EPS15: variants seen among roughly 807,000 people sequenced by gnomAD.
EPS15 encodes epidermal growth factor receptor pathway substrate 15.
EPS15 carries 72 observed loss-of-function variants against 113.8 expected under a neutral mutation model. The observed-to-expected ratio is 0.63, with a 90% CI of 0.52 to 0.77. The LOEUF (loss-of-function observed/expected upper bound fraction) is 0.77. Ranked by LOEUF, EPS15 falls within the 30% of genes least tolerant of loss-of-function variation. EPS15 has a pLI of 0.00. For synonymous variants in EPS15, 344 were observed against 363.4 expected (o/e 0.95, Z 0.61); for missense variants, 1,048 against 1,045.8 (o/e 1.00, Z -0.03).
chr1:51,505,339 T>C (rs1644480613), intron 1 of EPS15, among the ~76,000 whole-genome samples: 2 of 152,184 alleles, frequency 1.3e-5, no homozygotes, highest in South Asian at 4.1e-4. Context: ...CGATGGAATA[T>C]TTTTCAACCA....
chr1:51,508,264 G>GAA (rs1557536645), intron 1 of EPS15, among the ~76,000 whole-genome samples: 15 of 132,572 alleles, frequency 1.1e-4, no homozygotes, highest in African/African-American at 4.9e-4. Flanking sequence ...GAGAGAGAGA[G>GAA]AGAGAGAGAA....
chr1:51,402,169 C>T (rs1008264854), intron 18 of EPS15, among the ~76,000 whole-genome samples: 3 of 150,498 alleles, frequency 2.0e-5, no homozygotes, highest in Non-Finnish European at 3.0e-5. Context: ...AATAAATACA[C>T]ACATACATAC....
At chr1:51,363,842 G>T (rs746230440) in intron 23 of EPS15, 24 bp downstream of exon 23, 1 of 1,591,956 alleles carries the variant, frequency 6.3e-7, no homozygotes, top group Non-Finnish European at 8.5e-7. Context: ...GCAGTTGACT[G>T]AAGAAAAGTA....
At chr1:51,422,892 G>A (rs758871988) in intron 12 of EPS15, among the ~76,000 whole-genome samples, 5 of 152,232 alleles carry the variant, frequency 3.3e-5, no homozygotes, top group African/African-American at 1.2e-4. Context: ...GTATAGCCAA[G>A]TTTCTCCTTC....
At chr1:51,447,203 C>A in intron 9 of EPS15, 98 bp from the exon 10 acceptor site, 1 of 1,031,652 alleles carries the variant, frequency 9.7e-7, no homozygotes, top group South Asian at 1.6e-5. Flanking sequence ...AAATTCTGAA[C>A]AATTCTACCC....
intron 21 of EPS15, among the ~76,000 whole-genome samples, chr1:51,385,633 C>A (rs948560119): frequency 6.6e-6 from 1 of 152,066 alleles, no homozygotes; most frequent in Non-Finnish European, 1.5e-5. Context: ...TGCACACAAA[C>A]AAAATGTGAC....
At chr1:51,383,843 A>G (rs1336922090) in intron 21 of EPS15, among the ~76,000 whole-genome samples, 7 of 152,242 alleles carry the variant, frequency 4.6e-5, no homozygotes, top group South Asian at 2.1e-4. Flanking sequence ...AGAAAACCCT[A>G]AAGATTCCAC....
chr1:51,423,224 C>T (rs765296148), intron 12 of EPS15: 20 of 1,288,746 alleles, frequency 1.6e-5, no homozygotes, highest in East Asian at 5.5e-5. Flanking sequence ...TCAGATGGGT[C>T]GCAATGTGGG....
chr1:51,494,072 T>A (rs527260824), intron 1 of EPS15, among the ~76,000 whole-genome samples: 2 of 152,184 alleles, frequency 1.3e-5, no homozygotes, highest in Admixed American at 1.3e-4. Context: ...AATTATCAAT[T>A]TGCACAACCC....
intron 8 of EPS15, among the ~76,000 whole-genome samples, chr1:51,459,802 G>T (rs1654295198): frequency 1.3e-5 from 2 of 151,894 alleles, no homozygotes; most frequent in South Asian, 4.1e-4. Context: ...TATCTAAAAA[G>T]CTGTATAAAG....
At chr1:51,427,046 C>CT (rs2148456926) in intron 12 of EPS15, among the ~76,000 whole-genome samples, 1 of 152,042 alleles carries the variant, frequency 6.6e-6, no homozygotes, top group Non-Finnish European at 1.5e-5. Flanking sequence ...GTCATTTCAT[C>CT]TTTTTTAAGC....
chr1:51,362,201 G>A (rs1195377665), intron 23 of EPS15, among the ~76,000 whole-genome samples: 1 of 152,162 alleles, frequency 6.6e-6, no homozygotes, highest in African/African-American at 2.4e-5. Context: ...TAGAAAAGAT[G>A]CTCATATCTC....
chr1:51,517,822 C>A (rs1644752548), intron 1 of EPS15, among the ~76,000 whole-genome samples: 1 of 152,196 alleles, frequency 6.6e-6, no homozygotes, highest in Non-Finnish European at 1.5e-5. Flanking sequence ...TTCCTGCAAA[C>A]ACGGGTTAGT....
intron 1 of EPS15, among the ~76,000 whole-genome samples, chr1:51,495,657 C>T (rs1644312763): frequency 2.0e-5 from 3 of 151,746 alleles, no homozygotes; most frequent in Admixed American, 1.3e-4. Context: ...TGTTCCATTC[C>T]TTATTTCCAA....
intron 12 of EPS15, among the ~76,000 whole-genome samples, chr1:51,425,369 G>A (rs1375445664): frequency 6.6e-6 from 1 of 152,220 alleles, no homozygotes; most frequent in Non-Finnish European, 1.5e-5. Flanking sequence ...GCAGTAGGGT[G>A]TAAGCCATCT....
At chr1:51,357,423 T>TAC (rs1646259282) in intron 24 of EPS15, among the ~76,000 whole-genome samples, 3 of 68,326 alleles carry the variant, frequency 4.4e-5, no homozygotes, top group African/African-American at 2.3e-4. Flanking sequence ...TATATATATA[T>TAC]ATATTTTTTT....
At chr1:51,392,533 A>G (rs772361017) in intron 21 of EPS15, among the ~76,000 whole-genome samples, 10 of 152,330 alleles carry the variant, frequency 6.6e-5, no homozygotes, top group Non-Finnish European at 1.5e-4. Flanking sequence ...GTAACACTGT[A>G]ACCTACCACT....
intron 21 of EPS15, among the ~76,000 whole-genome samples, chr1:51,384,004 G>C (rs1646999572): frequency 6.6e-6 from 1 of 152,074 alleles, no homozygotes; most frequent in African/African-American, 2.4e-5. Flanking sequence ...GCATCAAAAA[G>C]AATGAAATAC....
At chr1:51,503,006 C>CAAAAAAAAA (rs56340331) in intron 1 of EPS15, among the ~76,000 whole-genome samples, 14 of 67,440 alleles carry the variant, frequency 2.1e-4, no homozygotes, top group African/African-American at 2.5e-4. Context: ...GACTCTGTCT[C>CAAAAAAAAA]AAAAAAAAAA....
Sources: allele counts gnomAD v4.1 joint callset (sites outside exome capture counted in the v4.1 genomes callset), GRCh38; gene constraint gnomAD v4.1.1; transcripts MANE v1.5; gene names NCBI Gene and HGNC (gene_info 2026-07-23, HGNC 2026-07-21).